UNC13C: variants seen among roughly 807,000 people sequenced by gnomAD.
The protein encoded by UNC13C is unc-13 homolog C.
Under a neutral mutation model 245.4 loss-of-function variants are expected in UNC13C, and 174 were observed. The ratio of observed to expected loss-of-function variants is 0.71; its 90% confidence interval spans 0.63 to 0.80. The LOEUF is 0.80. Among genes scored for constraint, UNC13C ranks in the 30% least tolerant of loss-of-function variants. The probability of loss-of-function intolerance (pLI) is 0.00; values close to 1 mark genes in which losing one functional copy is unlikely to be tolerated. For synonymous variants in UNC13C, 992 were observed against 895.1 expected (o/e 1.11, Z -1.93); for missense variants, 2,829 against 2,602.9 (o/e 1.09, Z -1.89).
At chr15:53,891,791 C>T in the UNC13C span, among the ~76,000 whole-genome samples, 19 of 152,072 alleles carry the variant, frequency 1.2e-4, no homozygotes, top group Non-Finnish European at 2.5e-4. Flanking sequence ...TACAGCACAC[C>T]GATGGGTCTT....
chr15:54,129,513 T>G (rs2031274814), intron 2 of UNC13C, among the ~76,000 whole-genome samples: 2 of 152,148 alleles, frequency 1.3e-5, no homozygotes, highest in South Asian at 4.1e-4. Context: ...TTAGATATTC[T>G]TTCATAGGGA....
At chr15:54,510,255 G>C (rs1242725498) in intron 23 of UNC13C, among the ~76,000 whole-genome samples, 1 of 152,100 alleles carries the variant, frequency 6.6e-6, no homozygotes, top group African/African-American at 2.4e-5. Flanking sequence ...TCCCTGGTAG[G>C]ATTGCCCAGA....
At chr15:54,346,657 A>T (rs186219336) in intron 17 of UNC13C, among the ~76,000 whole-genome samples, 1 of 152,358 alleles carries the variant, frequency 6.6e-6, no homozygotes. Flanking sequence ...TTAGAACAAG[A>T]TAGAAGTGTG....
At chr15:54,256,003 A>G (rs1392882162) in intron 8 of UNC13C, among the ~76,000 whole-genome samples, 1 of 152,174 alleles carries the variant, frequency 6.6e-6, no homozygotes, top group Admixed American at 6.5e-5. Context: ...CCGTAGAGGT[A>G]TTCTATATAA....
rs780615191 is a variant in UNC13C, at chr15:54,015,357, T to A, written c.2454T>A (p.Ser818Arg). The change falls in exon 2 of 33, where the codon AGT (serine) becomes AGA (arginine). Residue 818 changes from serine to arginine, a missense_variant. By Grantham distance (110) the Ser-to-Arg change is moderately radical. Coordinates refer to ENST00000260323, the MANE Select transcript of UNC13C (RefSeq NM_001080534.3). Reference sequence around the variant, plus strand: ...TAGTATGGAACAAAAGCACACAGAGTCTGAGTGGGTATGAGGACAGTGGCT... The same window carrying A: ...TAGTATGGAACAAAAGCACACAGAGACTGAGTGGGTATGAGGACAGTGGCT... Reference protein sequence around the residue: ...LEVVWNKSTQSLSGYEDSGSS... With the variant: ...LEVVWNKSTQRLSGYEDSGSS... 2 of 1,613,628 alleles carry A rather than the reference T, an allele frequency of 1.2e-6. No homozygotes were observed. Among genetic ancestry groups the A allele is most frequent in the South Asian group, 1.1e-5 (1 of 91,060 alleles).
At chr15:54,352,951 T>C (rs944291185) in intron 17 of UNC13C, among the ~76,000 whole-genome samples, 4 of 152,220 alleles carry the variant, frequency 2.6e-5, no homozygotes, top group African/African-American at 7.2e-5. Flanking sequence ...AAAAATTCTA[T>C]CTTTGAGACG....
chr15:54,103,775 C>T (rs1249982999), intron 2 of UNC13C, among the ~76,000 whole-genome samples: 3 of 152,230 alleles, frequency 2.0e-5, no homozygotes, highest in Non-Finnish European at 4.4e-5. Context: ...GACAGAGTCT[C>T]ACTCTGTAGC....
At chr15:54,295,686 G>C (rs62011999) in intron 11 of UNC13C, among the ~76,000 whole-genome samples, 1 of 150,266 alleles carries the variant, frequency 6.7e-6, no homozygotes, top group African/African-American at 2.5e-5. Context: ...AGAACAAAAA[G>C]AAAAACCATG....
chr15:54,440,492 A>AT (rs964704062), intron 19 of UNC13C, among the ~76,000 whole-genome samples: 3 of 151,850 alleles, frequency 2.0e-5, no homozygotes, highest in African/African-American at 4.8e-5. Context: ...TGATTTCATT[A>AT]TTTTTTATGG....
chr15:54,158,792 G>A (rs2032857572), intron 4 of UNC13C, among the ~76,000 whole-genome samples: 1 of 151,800 alleles, frequency 6.6e-6, no homozygotes, highest in Admixed American at 6.6e-5. Context: ...CGAGACCACA[G>A]GCGCATGCTA....
intron 4 of UNC13C, among the ~76,000 whole-genome samples, chr15:54,226,142 T>C (rs8027105): frequency 0.53 from 80,807 of 152,056 alleles, 22,613 homozygotes; most frequent in African/African-American, 0.7. Context: ...AACTTTGCAT[T>C]TCAGGATGAA....
At chr15:54,312,593 C>T (rs2037904046) in intron 13 of UNC13C, among the ~76,000 whole-genome samples, 1 of 151,784 alleles carries the variant, frequency 6.6e-6, no homozygotes, top group South Asian at 2.1e-4. Flanking sequence ...TAAGTAGCTT[C>T]ACATCCCATT....
At position 54,556,411 on chromosome 15, in the gene UNC13C, G is replaced by A. The variant is rs1336368441; in HGVS notation, c.5958+899G>A. 3.3e-5 allele frequency among the ~76,000 whole-genome samples: 5 copies of A among 151,968 alleles called. No homozygotes were observed. In the East Asian group the frequency reaches 7.7e-4, roughly 24 times the overall value. Reference sequence around the variant, plus strand: ...CATACTTTCACAAAACTGTCACCTCGTGGCTTTTGTTTTGCAGTTTCAGCA... The same window carrying A: ...CATACTTTCACAAAACTGTCACCTCATGGCTTTTGTTTTGCAGTTTCAGCA... On this transcript the variant is annotated intron_variant, in intron 29 of 32. Transcript: ENST00000260323.
At chr15:54,605,849 T>A (rs1899740144) in intron 30 of UNC13C, among the ~76,000 whole-genome samples, 1 of 152,208 alleles carries the variant, frequency 6.6e-6, no homozygotes, top group African/African-American at 2.4e-5. Context: ...TCTCTCCGTA[T>A]AAACATCATT....
At chr15:54,000,429 A>T (rs1188699719) in intron 1 of UNC13C, among the ~76,000 whole-genome samples, 1 of 152,198 alleles carries the variant, frequency 6.6e-6, no homozygotes, top group Non-Finnish European at 1.5e-5. Flanking sequence ...AAACTAAGTC[A>T]AATGAAAATG....
At chr15:54,261,636 A>T (rs1596103832) in intron 8 of UNC13C, among the ~76,000 whole-genome samples, 1 of 152,224 alleles carries the variant, frequency 6.6e-6, no homozygotes, top group East Asian at 1.9e-4. Context: ...TCCGCCTCCC[A>T]GATTCACGCC....
chr15:54,119,057 T>A lies in UNC13C; in HGVS notation c.2984-23961T>A, dbSNP rs893701258. 5.3e-5 allele frequency among the ~76,000 whole-genome samples: 8 copies of A among 151,976 alleles called. 1 individual carries two copies. The South Asian group carries it at 1.0e-3, about 20-fold the overall frequency. ...CTCTCCAGTTTTTTGTTTTTTTTTT[T>A]AAAGAATTTGTGTAGAATTGCTGTT... On this transcript the variant is annotated intron_variant, in intron 2 of 32. Coordinates refer to ENST00000260323, the MANE Select transcript of UNC13C (RefSeq NM_001080534.3).
At chr15:53,986,774 A>G (rs1266712336) in intron 1 of UNC13C, among the ~76,000 whole-genome samples, 1 of 151,994 alleles carries the variant, frequency 6.6e-6, no homozygotes, top group Non-Finnish European at 1.5e-5. Context: ...CAGATAATTT[A>G]CTGTACTACT....
chr15:54,327,272 G>A (rs929257713), intron 14 of UNC13C, among the ~76,000 whole-genome samples: 1 of 151,894 alleles, frequency 6.6e-6, no homozygotes, highest in Non-Finnish European at 1.5e-5. Context: ...ATATAACCAA[G>A]TATAAGTGAT....
Sources: gnomAD v4.1 joint callset for allele counts (sites outside exome capture counted in the v4.1 genomes callset) on GRCh38, gnomAD v4.1.1 for gene constraint, MANE v1.5 for transcripts, NCBI Gene and HGNC (gene_info 2026-07-23, HGNC 2026-07-21) for gene names.